The following ACYP2 variants were observed in gnomAD, a reference collection of about 807,000 sequenced individuals.
ACYP2 encodes the protein acylphosphatase-2.
In ACYP2, 12 loss-of-function variants were observed where a neutral mutation model predicts 11.2. The observed-to-expected ratio is 1.08, with a 90% CI of 0.69 to 1.74. ACYP2 has a LOEUF of 1.74. Among genes scored for constraint, ACYP2 ranks in the 40% most tolerant of loss-of-function variants. The pLI is 0.00. For synonymous variants in ACYP2, 43 were observed against 32.2 expected (o/e 1.33, Z -1.13); for missense variants, 134 against 101.9 (o/e 1.31, Z -1.35).
intron 6 of ACYP2, among the ~76,000 whole-genome samples, chr2:54,268,931 A>G (rs555552543): frequency 6.6e-6 from 1 of 152,362 alleles, no homozygotes; most frequent in South Asian, 2.1e-4. Context: ...TAGGTAACAC[A>G]TTAAGCACAT....
chr2:54,039,602 T>C (rs545450772), intron 2 of ACYP2, among the ~76,000 whole-genome samples: 2 of 152,116 alleles, frequency 1.3e-5, no homozygotes, highest in African/African-American at 4.8e-5. Flanking sequence ...AATTTTTGTA[T>C]TTTTGGTAGA....
chr2:54,085,880 T>C (rs1202899876), intron 4 of ACYP2, among the ~76,000 whole-genome samples: 1 of 152,168 alleles, frequency 6.6e-6, no homozygotes, highest in Admixed American at 6.6e-5. Flanking sequence ...AATATGTATA[T>C]ATATATATAA....
At chr2:54,000,396 T>G (rs1672745679) in intron 2 of ACYP2, among the ~76,000 whole-genome samples, 1 of 152,200 alleles carries the variant, frequency 6.6e-6, no homozygotes, top group African/African-American at 2.4e-5. Flanking sequence ...ACATAAGGTT[T>G]CTGGAATCCA....
chr2:54,046,836 T>G (rs989454653), intron 2 of ACYP2, among the ~76,000 whole-genome samples: 1 of 152,162 alleles, frequency 6.6e-6, no homozygotes, highest in African/African-American at 2.4e-5. Flanking sequence ...CTTCAAATTA[T>G]ATAGCCAATC....
chr2:54,086,216 A>AT (rs1677937551), intron 4 of ACYP2, among the ~76,000 whole-genome samples: 1 of 152,124 alleles, frequency 6.6e-6, no homozygotes, highest in African/African-American at 2.4e-5. Context: ...AAGTGCTAGG[A>AT]TTATAGGTGT....
rs1023181371 is a variant in ACYP2 at position 54,111,364 on chromosome 2, CG to C, written c.278-24082del. Among the ~76,000 whole-genome samples the C allele has an allele frequency of 4.0e-5, 6 of 151,736 alleles. No individual in the cohort carries two copies. The South Asian group carries it at 1.0e-3, about 26-fold the overall frequency. ...AGGTAGGGGGAAACTAAGGCAAGGGCGGGGGGGACCAACCATGCCCTCTCCT... is the reference window on the plus strand; with the variant it reads ...AGGTAGGGGGAAACTAAGGCAAGGGCGGGGGGACCAACCATGCCCTCTCCT... On this transcript the variant is annotated intron_variant, in intron 4 of 6. Transcript: ENST00000607452.
intron 6 of ACYP2, among the ~76,000 whole-genome samples, chr2:54,184,940 G>A (rs1049816520): frequency 1.3e-5 from 2 of 151,132 alleles, no homozygotes; most frequent in African/African-American, 4.9e-5. Context: ...TCTGCCTCCC[G>A]GGTTCAAGCA....
At chr2:53,997,394 C>T (rs947442529) in intron 2 of ACYP2, among the ~76,000 whole-genome samples, 2 of 152,166 alleles carry the variant, frequency 1.3e-5, no homozygotes, top group Admixed American at 6.6e-5. Flanking sequence ...CAACCTCTGC[C>T]TTCCGGCTTC....
chr2:54,295,300 G>T (rs1450004371), intron 6 of ACYP2, among the ~76,000 whole-genome samples: 1 of 152,166 alleles, frequency 6.6e-6, no homozygotes, highest in Admixed American at 6.5e-5. Context: ...GAATCCATAG[G>T]CCTCCAATGT....
chr2:53,984,354 C>T (rs1292931169), intron 2 of ACYP2, among the ~76,000 whole-genome samples: 1 of 151,902 alleles, frequency 6.6e-6, no homozygotes, highest in Admixed American at 6.6e-5. Flanking sequence ...GAGGCAGGTG[C>T]ATCACCTGAG....
chr2:54,115,814 C>T lies in ACYP2; in HGVS notation c.278-19639C>T, dbSNP rs185853096. On this transcript the variant is annotated intron_variant, in intron 4 of 6. Transcript: ENST00000607452. The stretch of plus-strand genomic sequence containing the variant: ...AGGTTATGGGAGGAAGGGGAGAAAG[C>T]TGTGAGAAGCGCCTCCCACCTAAAG... 452 of 1,491,878 alleles carry T rather than the reference C, an allele frequency of 3.0e-4. No homozygotes were observed. The African/African-American group carries it at 5.9e-3, about 19-fold the overall frequency. The allele number at this position is 1,491,878 out of a possible 1,614,324, so 92.4% of individuals were successfully genotyped here. A position where few individuals can be genotyped will look rare whatever the true frequency, so the allele number is the denominator to read the frequency against.
chr2:53,999,075 C>CA (rs1056694573), intron 2 of ACYP2, among the ~76,000 whole-genome samples: 1 of 151,642 alleles, frequency 6.6e-6, no homozygotes. Flanking sequence ...AAAGGAAATA[C>CA]AAAAAAGGAT....
intron 6 of ACYP2, among the ~76,000 whole-genome samples, chr2:54,292,401 A>G (rs1689348404): frequency 6.6e-6 from 1 of 152,222 alleles, no homozygotes. Context: ...CTCGATATGA[A>G]AAAGTATGTA....
At chr2:54,288,588 G>A (rs1689177120) in intron 6 of ACYP2, among the ~76,000 whole-genome samples, 1 of 151,998 alleles carries the variant, frequency 6.6e-6, no homozygotes, top group African/African-American at 2.4e-5. Flanking sequence ...TACTATAAAT[G>A]ATGCATGGTA....
At chr2:54,176,762 T>G (rs1184612735) in intron 6 of ACYP2, among the ~76,000 whole-genome samples, 1 of 152,156 alleles carries the variant, frequency 6.6e-6, no homozygotes, top group Non-Finnish European at 1.5e-5. Context: ...GAATTGACCT[T>G]GGCCTCAGGG....
intron 6 of ACYP2, among the ~76,000 whole-genome samples, chr2:54,176,748 C>T (rs1396120613): frequency 6.6e-6 from 1 of 152,140 alleles, no homozygotes; most frequent in African/African-American, 2.4e-5. Context: ...ATGGTTCTAT[C>T]CAGGAATTGA....
chr2:54,302,260 C>T (rs1292899603), intron 6 of ACYP2, among the ~76,000 whole-genome samples: 4 of 152,188 alleles, frequency 2.6e-5, no homozygotes, highest in Admixed American at 6.5e-5. Flanking sequence ...ACAACTGCTC[C>T]TGCTCCTGCC....
At position 54,013,277 on chromosome 2, in the gene ACYP2, G is replaced by A. The variant is rs868154611; in HGVS notation, c.63-37681G>A. ...AATATGTGTGTGTGTGTGTGTGTGT[G>A]TGTGTGTGTGTGTGTGTGTGTGTGT... On this transcript the variant is annotated intron_variant, in intron 2 of 6. Transcript: ENST00000607452. 2.7e-3 allele frequency among the ~76,000 whole-genome samples: 359 copies of A among 134,466 alleles called. 7 individuals carry two copies. The highest frequency in any genetic ancestry group is 1.0e-2 in the African/African-American group (319 of 31,940). The allele number at this position is 134,466 out of a possible 152,430, so 88.2% of individuals were successfully genotyped here. A position where few individuals can be genotyped will look rare whatever the true frequency, so the allele number is the denominator to read the frequency against.
chr2:54,107,720 A>G (rs1558533373), intron 4 of ACYP2, among the ~76,000 whole-genome samples: 1 of 152,214 alleles, frequency 6.6e-6, no homozygotes, highest in Non-Finnish European at 1.5e-5. Context: ...TAGAATATCA[A>G]TTCGGGAATC....
Sources: allele counts gnomAD v4.1 joint callset (sites outside exome capture counted in the v4.1 genomes callset), GRCh38; gene constraint gnomAD v4.1.1; transcripts MANE v1.5; gene names NCBI Gene and HGNC (gene_info 2026-07-23, HGNC 2026-07-21).